Variants in FOXJ3 observed in about 807,000 individuals in gnomAD.
The protein encoded by FOXJ3 is forkhead box protein J3.
FOXJ3 carries 22 observed loss-of-function variants against 76.1 expected under a neutral mutation model. The observed-to-expected ratio is 0.29, with a 90% confidence interval of 0.21 to 0.41. The LOEUF is 0.41. Ranked by LOEUF, FOXJ3 falls within the 10% of genes least tolerant of loss-of-function variation. The probability of loss-of-function intolerance (pLI) is 1.00; values close to 1 mark genes in which losing one functional copy is unlikely to be tolerated. For missense variants in FOXJ3, 613 were observed against 762.1 expected (o/e 0.80, Z 2.30); for synonymous variants, 269 against 261.2 (o/e 1.03, Z -0.29).
intron 7 of FOXJ3, among the ~76,000 whole-genome samples, chr1:42,196,372 C>T (rs1273011192): frequency 1.3e-5 from 2 of 152,144 alleles, no homozygotes; most frequent in African/African-American, 4.8e-5. Flanking sequence ...AGGGACCGCT[C>T]GACCATTTGA....
chr1:42,313,389 G>C (rs1166805646), intron 1 of FOXJ3, among the ~76,000 whole-genome samples: 3 of 151,892 alleles, frequency 2.0e-5, no homozygotes, highest in African/African-American at 4.8e-5. Flanking sequence ...GTAGCCCTAG[G>C]ATGGTTGTAT....
intron 12 of FOXJ3, among the ~76,000 whole-genome samples, chr1:42,180,201 T>C (rs912478825): frequency 4.6e-5 from 7 of 152,160 alleles, no homozygotes; most frequent in Non-Finnish European, 7.4e-5. Flanking sequence ...TTGGCTCCCA[T>C]GAGAATGGTA....
chr1:42,313,704 T>G (rs1654942008), intron 1 of FOXJ3, among the ~76,000 whole-genome samples: 1 of 152,176 alleles, frequency 6.6e-6, no homozygotes, highest in Non-Finnish European at 1.5e-5. Flanking sequence ...TCCCCTTGCC[T>G]GTCACGGAAC....
chr1:42,330,062 C>G (rs946298769), intron 1 of FOXJ3, among the ~76,000 whole-genome samples: 2 of 152,098 alleles, frequency 1.3e-5, no homozygotes, highest in South Asian at 4.1e-4. Flanking sequence ...AAATTTACAA[C>G]TACAATAAAC....
rs530979719 is a variant in FOXJ3 at position 42,214,992 on chromosome 1, T to G, written c.529-9129A>C. 2.6e-5 allele frequency among the ~76,000 whole-genome samples: 4 copies of G among 152,348 alleles called. No homozygotes were observed. In the East Asian group the frequency reaches 5.8e-4, roughly 22 times the overall value. ...AGAGAAAGCTTACAGTGTAACACAG[T>G]TAAGCCAGCTAAAGTACAGATATCA... On this transcript the variant is annotated intron_variant, in intron 5 of 12. Coordinates refer to ENST00000361346, the MANE Select transcript of FOXJ3 (RefSeq NM_014947.5).
At chr1:42,186,912 A>T (rs867613925) in intron 11 of FOXJ3, among the ~76,000 whole-genome samples, 1 of 151,378 alleles carries the variant, frequency 6.6e-6, no homozygotes, top group Non-Finnish European at 1.5e-5. Context: ...CACTGGTGTG[A>T]TCTCGGCTCA....
chr1:42,228,753 CT>C (rs1490373087), intron 4 of FOXJ3, among the ~76,000 whole-genome samples: 1 of 152,062 alleles, frequency 6.6e-6, no homozygotes, highest in East Asian at 1.9e-4. Context: ...CTCAATTATC[CT>C]GCCTCTATAC....
At chr1:42,209,591 C>T (rs548142811) in intron 5 of FOXJ3, among the ~76,000 whole-genome samples, 16 of 152,278 alleles carry the variant, frequency 1.1e-4, no homozygotes, top group African/African-American at 3.9e-4. Context: ...TAACCCTACC[C>T]AGGTATAAAA....
At chr1:42,311,650 AAGT>A (rs142219815) in intron 1 of FOXJ3, among the ~76,000 whole-genome samples, 105 of 149,508 alleles carry the variant, frequency 7.0e-4, no homozygotes, top group East Asian at 2.2e-3. Flanking sequence ...TTTAAAAAAA[AAGT>A]AGTAGTAGTA....
At chr1:42,298,600 T>G (rs1336978831) in intron 2 of FOXJ3, among the ~76,000 whole-genome samples, 1 of 152,172 alleles carries the variant, frequency 6.6e-6, no homozygotes. Context: ...TTGTGTATCC[T>G]TTCAAAGAAC....
chr1:42,283,079 T>C (rs1019709888), intron 2 of FOXJ3, among the ~76,000 whole-genome samples: 1 of 152,164 alleles, frequency 6.6e-6, no homozygotes, highest in Non-Finnish European at 1.5e-5. Flanking sequence ...GAAAAAAGTA[T>C]GACTCAGAGC....
intron 4 of FOXJ3, among the ~76,000 whole-genome samples, chr1:42,258,123 T>C (rs1163459769): frequency 6.6e-6 from 1 of 152,258 alleles, no homozygotes; most frequent in Admixed American, 6.5e-5. Context: ...GACAATTCTC[T>C]GCTCTTCCTT....
chr1:42,180,120 G>A (rs1204389611), intron 12 of FOXJ3, among the ~76,000 whole-genome samples: 1 of 152,140 alleles, frequency 6.6e-6, no homozygotes, highest in African/African-American at 2.4e-5. Context: ...AGGAAGACAC[G>A]AGAAAAGTGC....
At chr1:42,283,471 T>C (rs1652857512) in intron 2 of FOXJ3, among the ~76,000 whole-genome samples, 4 of 152,184 alleles carry the variant, frequency 2.6e-5, no homozygotes, top group Admixed American at 2.6e-4. Context: ...ATTCCCAAAG[T>C]GTAGCAAAGG....
chr1:42,194,608 T>C (rs148992716), intron 8 of FOXJ3, among the ~76,000 whole-genome samples: 122 of 152,322 alleles, frequency 8.0e-4, no homozygotes, highest in Admixed American at 4.2e-3. Flanking sequence ...ATAGTAGTGT[T>C]TCCCATATGG....
intron 11 of FOXJ3, among the ~76,000 whole-genome samples, chr1:42,183,998 T>C (rs1195909156): frequency 2.0e-5 from 3 of 152,134 alleles, no homozygotes; most frequent in Non-Finnish European, 4.4e-5. Flanking sequence ...TGACTGACCA[T>C]ACTGATGATT....
At chr1:42,318,759 T>C (rs528129798) in intron 1 of FOXJ3, among the ~76,000 whole-genome samples, 3 of 152,338 alleles carry the variant, frequency 2.0e-5, no homozygotes, top group African/African-American at 4.8e-5. Flanking sequence ...CTTTCATGCA[T>C]TGCTAGTACA....
intron 4 of FOXJ3, among the ~76,000 whole-genome samples, chr1:42,260,005 G>A (rs597286): frequency 0.7 from 105,805 of 152,026 alleles, 37,656 homozygotes; most frequent in Admixed American, 0.79. Flanking sequence ...TTCTTATTTC[G>A]GTCCAACCAA....
intron 6 of FOXJ3, among the ~76,000 whole-genome samples, chr1:42,204,720 C>T (rs1246093774): frequency 6.6e-6 from 1 of 151,318 alleles, no homozygotes; most frequent in Non-Finnish European, 1.5e-5. Flanking sequence ...CCCCCAACTG[C>T]CCCATAAACC....
Sources: allele counts gnomAD v4.1 joint callset (sites outside exome capture counted in the v4.1 genomes callset), GRCh38; gene constraint gnomAD v4.1.1; transcripts MANE v1.5; gene names NCBI Gene and HGNC (gene_info 2026-07-23, HGNC 2026-07-21).